COX7B2: variants seen among roughly 807,000 people sequenced by gnomAD.
The protein encoded by COX7B2 is cytochrome c oxidase subunit 7B2, mitochondrial.
For synonymous variants in COX7B2, 37 were observed against 32.1 expected (o/e 1.15, Z -0.51); for missense variants, 109 against 95.9 (o/e 1.14, Z -0.57).
intron 2 of COX7B2, among the ~76,000 whole-genome samples, chr4:46,774,047 C>CT (rs1560371672): frequency 6.6e-6 from 1 of 151,908 alleles, no homozygotes; most frequent in Non-Finnish European, 1.5e-5. Context: ...CAATCTCCTG[C>CT]TAGACAGTCA....
At chr4:46,815,806 T>G (rs1317306455) in intron 2 of COX7B2, among the ~76,000 whole-genome samples, 1 of 152,220 alleles carries the variant, frequency 6.6e-6, no homozygotes, top group Non-Finnish European at 1.5e-5. Context: ...CAGTGTTCTG[T>G]GAAAATAAGC....
At chr4:46,886,334 T>C (rs891905664) in intron 1 of COX7B2, among the ~76,000 whole-genome samples, 2 of 152,204 alleles carry the variant, frequency 1.3e-5, no homozygotes, top group African/African-American at 4.8e-5. Context: ...CAATGTGTAA[T>C]GATTAAATCA....
intron 1 of COX7B2, among the ~76,000 whole-genome samples, chr4:46,897,317 C>A (rs977788758): frequency 4.6e-5 from 7 of 152,276 alleles, no homozygotes; most frequent in Admixed American, 2.0e-4. Flanking sequence ...GAATCGATAT[C>A]TCTCCAGATT....
intron 2 of COX7B2, among the ~76,000 whole-genome samples, chr4:46,842,222 G>A (rs1715977229): frequency 6.6e-6 from 1 of 151,906 alleles, no homozygotes; most frequent in African/African-American, 2.4e-5. Context: ...AGCAATTCTG[G>A]CTTTCAGACA....
chr4:46,787,913 A>G (rs1407121377), intron 2 of COX7B2, among the ~76,000 whole-genome samples: 1 of 152,060 alleles, frequency 6.6e-6, no homozygotes, highest in African/African-American at 2.4e-5. Flanking sequence ...CATATGAATT[A>G]TGTCTTCTCA....
chr4:46,847,523 A>G (rs568987456), intron 1 of COX7B2, among the ~76,000 whole-genome samples: 1 of 152,242 alleles, frequency 6.6e-6, no homozygotes, highest in East Asian at 1.9e-4. Flanking sequence ...AGCCTTGCAG[A>G]AGACCCAGGT....
intron 2 of COX7B2, among the ~76,000 whole-genome samples, chr4:46,753,413 T>A (rs957613570): frequency 3.9e-5 from 6 of 151,932 alleles, no homozygotes; most frequent in African/African-American, 9.7e-5. Flanking sequence ...ATACCACACA[T>A]CTACAACCAT....
chr4:46,819,667 C>G (rs927724250), intron 2 of COX7B2, among the ~76,000 whole-genome samples: 1 of 152,056 alleles, frequency 6.6e-6, no homozygotes, highest in Admixed American at 6.5e-5. Context: ...AAGGGTTAGA[C>G]AAGCTTGTGT....
intron 1 of COX7B2, among the ~76,000 whole-genome samples, chr4:46,902,956 T>G (rs1720159980): frequency 6.6e-6 from 1 of 152,172 alleles, no homozygotes; most frequent in Admixed American, 6.5e-5. Flanking sequence ...TTTCTAATTC[T>G]GTGTCTTATC....
At chr4:46,814,581 G>C (rs950599069) in intron 2 of COX7B2, among the ~76,000 whole-genome samples, 1 of 152,116 alleles carries the variant, frequency 6.6e-6, no homozygotes, top group Non-Finnish European at 1.5e-5. Flanking sequence ...GCTTAGAAAA[G>C]TTTCCTTTAA....
In COX7B2 at chr4:46,869,331, A is replaced by T. The variant is rs1717853784; in HGVS notation, c.-104-24317T>A. On this transcript the variant is annotated intron_variant, in intron 1 of 2. Coordinates refer to ENST00000355591, the MANE Select transcript of COX7B2 (RefSeq NM_130902.3). ...GTCTTTCTTTTTTATCCAGCTTGTC[A>T]CTCTGTGTCTTTTAAGTGGTGCATT... Among the ~76,000 whole-genome samples the T allele has an allele frequency of 2.6e-5, 4 of 151,570 alleles. No homozygotes were observed. The South Asian group carries it at 6.3e-4, about 24-fold the overall frequency.
At chr4:46,782,222 A>G (rs1375692661) in intron 2 of COX7B2, among the ~76,000 whole-genome samples, 2 of 152,086 alleles carry the variant, frequency 1.3e-5, no homozygotes, top group Non-Finnish European at 2.9e-5. Flanking sequence ...GGATGCACCA[A>G]TCAGCACTCT....
intron 1 of COX7B2, among the ~76,000 whole-genome samples, chr4:46,877,298 C>T (rs1718404270): frequency 6.6e-6 from 1 of 152,200 alleles, no homozygotes; most frequent in South Asian, 2.1e-4. Context: ...AATTCAAGGA[C>T]ATCTGCGTCC....
chr4:46,815,428 T>C (rs1719501042), intron 2 of COX7B2, among the ~76,000 whole-genome samples: 5 of 152,208 alleles, frequency 3.3e-5, no homozygotes. Context: ...TCTATCCTAC[T>C]TGTTAATTCT....
Position 46,814,080 on chromosome 4 carries a change from G to A in COX7B2, c.-50+30880C>T, listed in dbSNP as rs560530076. Among the ~76,000 whole-genome samples the A allele has an allele frequency of 7.2e-5, 11 of 152,162 alleles. No homozygotes were observed. In the East Asian group the frequency reaches 2.1e-3, roughly 29 times the overall value. On this transcript the variant is annotated intron_variant, in intron 2 of 2. Transcript: ENST00000355591. The stretch of plus-strand genomic sequence containing the variant: ...GAAAAGGGAACTCTTATACACTGTT[G>A]GTAACCATTATGGAAAATAGCATGG...
chr4:46,741,750 T>C (rs2109401191), intron 2 of COX7B2, among the ~76,000 whole-genome samples: 1 of 152,230 alleles, frequency 6.6e-6, no homozygotes, highest in East Asian at 1.9e-4. Flanking sequence ...ATTTAGTTTT[T>C]CCAAACCTAT....
chr4:46,762,481 ATATATT>A (rs1716245889), intron 2 of COX7B2, among the ~76,000 whole-genome samples: 5 of 140,244 alleles, frequency 3.6e-5, no homozygotes, highest in Non-Finnish European at 7.6e-5. Context: ...TATATATACT[ATATATT>A]GTAAATATAT....
chr4:46,828,740 G>T (rs759811168), intron 2 of COX7B2, among the ~76,000 whole-genome samples: 1 of 151,962 alleles, frequency 6.6e-6, no homozygotes, highest in Non-Finnish European at 1.5e-5. Context: ...ATGAAAACAT[G>T]AACACATCAA....
intron 1 of COX7B2, among the ~76,000 whole-genome samples, chr4:46,859,133 T>C (rs1717191354): frequency 1.3e-5 from 2 of 152,200 alleles, no homozygotes; most frequent in Non-Finnish European, 2.9e-5. Flanking sequence ...GCTCCATAAA[T>C]GGGCTGAGAT....
Sources: gnomAD v4.1 joint callset for allele counts (sites outside exome capture counted in the v4.1 genomes callset) on GRCh38, gnomAD v4.1.1 for gene constraint, MANE v1.5 for transcripts, NCBI Gene and HGNC (gene_info 2026-07-23, HGNC 2026-07-21) for gene names.